Variants in PLEKHB2 observed in about 807,000 individuals in gnomAD.
The protein encoded by PLEKHB2 is pleckstrin homology domain containing B2, also known as pleckstrin homology domain-containing family B member 2.
Under a neutral mutation model 36.5 loss-of-function variants are expected in PLEKHB2, and 31 were observed. The ratio of observed to expected loss-of-function variants is 0.85; its 90% CI spans 0.64 to 1.15. PLEKHB2 has a LOEUF of 1.15. Ranked by LOEUF, PLEKHB2 falls within the 50% of genes most tolerant of loss-of-function variation. PLEKHB2 has a pLI of 0.00. For missense variants in PLEKHB2, 262 were observed against 295.3 expected (o/e 0.89, Z 0.83); for synonymous variants, 119 against 112.0 (o/e 1.06, Z -0.39).
At chr2:131,146,378 A>G (rs1287012971) in intron 7 of PLEKHB2, among the ~76,000 whole-genome samples, 6 of 152,158 alleles carry the variant, frequency 3.9e-5, no homozygotes, top group African/African-American at 1.2e-4. Context: ...ATCAGAGGCT[A>G]GAATCTGAAA....
intron 4 of PLEKHB2, among the ~76,000 whole-genome samples, chr2:131,128,695 A>G (rs74621057): frequency 0.043 from 6,488 of 152,302 alleles, 469 homozygotes; most frequent in African/African-American, 0.15. Flanking sequence ...TTGGCATGGA[A>G]GAAAAGACTG....
rs1699347340 is a variant in PLEKHB2 at position 131,146,939 on chromosome 2, G to T, written c.*166G>T. On this transcript the variant is annotated 3_prime_UTR_variant, in exon 8 of 8. Coordinates refer to ENST00000693505, the MANE Select transcript of PLEKHB2 (RefSeq NM_001100623.2). ...TAATCCACATAAGTACCACAGAGAAGGGTTTGAACTGTGCTATTTTGTTCA... is the reference window on the plus strand; with the variant it reads ...TAATCCACATAAGTACCACAGAGAATGGTTTGAACTGTGCTATTTTGTTCA... The T allele has an allele frequency of 1.8e-5, 10 of 566,298 alleles. No individual in the cohort carries two copies. Among genetic ancestry groups the T allele is most frequent in the East Asian group, 3.1e-5 (1 of 32,016 alleles). The allele number at this position is 566,298 out of a possible 1,614,324, so 35.1% of individuals were successfully genotyped here.
chr2:131,120,719 T>TG, intron 1 of PLEKHB2: 1 of 625,898 alleles, frequency 1.6e-6, no homozygotes, highest in East Asian at 2.8e-5. Context: ...GTGGTGAGGC[T>TG]GAAGGCGAGT....
intron 2 of PLEKHB2, among the ~76,000 whole-genome samples, chr2:131,125,462 C>T (rs1356902639): frequency 6.6e-6 from 1 of 152,116 alleles, no homozygotes; most frequent in South Asian, 2.1e-4. Flanking sequence ...ATTAAGGGGC[C>T]AGGGGAAGAG....
At chr2:131,110,689 C>T (rs1695215719) in intron 1 of PLEKHB2, among the ~76,000 whole-genome samples, 1 of 151,546 alleles carries the variant, frequency 6.6e-6, no homozygotes, top group Non-Finnish European at 1.5e-5. Flanking sequence ...AATGATTTGA[C>T]TGGGTGTGGA....
intron 1 of PLEKHB2, among the ~76,000 whole-genome samples, chr2:131,119,633 G>A (rs1696263752): frequency 6.6e-6 from 1 of 152,224 alleles, no homozygotes; most frequent in Non-Finnish European, 1.5e-5. Context: ...CAAAGTATAT[G>A]AACTATTAAA....
intron 4 of PLEKHB2, 103 bp downstream of exon 4, chr2:131,126,889 A>T (rs1272013013): frequency 1.6e-5 from 11 of 694,318 alleles, no homozygotes; most frequent in South Asian, 3.4e-5. Flanking sequence ...TCTTTCAGGC[A>T]TCAGAATAAG....
chr2:131,128,187 C>T (rs759770547), intron 4 of PLEKHB2, among the ~76,000 whole-genome samples: 1 of 152,152 alleles, frequency 6.6e-6, no homozygotes, highest in Non-Finnish European at 1.5e-5. Flanking sequence ...GGTGGAACTA[C>T]CAGTTGATAC....
At chr2:131,140,122 C>T in intron 6 of PLEKHB2, 45 bp from the exon 7 acceptor site, 3 of 1,152,750 alleles carry the variant, frequency 2.6e-6, no homozygotes, top group Non-Finnish European at 3.8e-6. Context: ...AATACATTAC[C>T]AGAGGTTTCA....
chr2:131,109,930 C>T (rs899880080), intron 1 of PLEKHB2, among the ~76,000 whole-genome samples: 8 of 151,748 alleles, frequency 5.3e-5, no homozygotes, highest in South Asian at 4.1e-4. Flanking sequence ...CTGGCTGACA[C>T]GGTGAAACCC....
intron 7 of PLEKHB2, among the ~76,000 whole-genome samples, chr2:131,143,464 A>G (rs1044516444): frequency 9.2e-5 from 14 of 152,212 alleles, no homozygotes; most frequent in African/African-American, 3.4e-4. Context: ...CCTCTGGATT[A>G]GTTTAAGGGA....
intron 1 of PLEKHB2, among the ~76,000 whole-genome samples, chr2:131,120,052 T>G (rs1238461987): frequency 6.6e-6 from 1 of 151,194 alleles, no homozygotes; most frequent in Non-Finnish European, 1.5e-5. Context: ...CACCGCATCC[T>G]CTGCCTCCTG....
chr2:131,136,577 T>TAAG (rs1698278447), intron 6 of PLEKHB2, among the ~76,000 whole-genome samples: 1 of 151,808 alleles, frequency 6.6e-6, no homozygotes, highest in African/African-American at 2.4e-5. Flanking sequence ...GGTTTTCACA[T>TAAG]ACTGAACCAG....
At chr2:131,145,677 AAAG>A (rs1699213425) in intron 7 of PLEKHB2, among the ~76,000 whole-genome samples, 1 of 152,148 alleles carries the variant, frequency 6.6e-6, no homozygotes, top group Non-Finnish European at 1.5e-5. Context: ...ATCAAGGAGG[AAAG>A]TTAACGCTAT....
rs924789593 is a variant in PLEKHB2, at chr2:131,149,626, G to A, written c.*2853G>A. On this transcript the variant is annotated 3_prime_UTR_variant, in exon 8 of 8. Coordinates refer to ENST00000693505, the MANE Select transcript of PLEKHB2 (RefSeq NM_001100623.2). ...AATGACCCAAGTGTATTTTCCACAA[G>A]TTTTGATCCTGTGTAATATTTCTTT... The A allele has an allele frequency of 2.6e-5, 4 of 152,192 alleles. No individual in the cohort carries two copies. Among genetic ancestry groups the A allele is most frequent in the Admixed American group, 2.0e-4 (3 of 15,286 alleles). The allele number at this position is 152,192 out of a possible 1,614,324, so 9.4% of individuals were successfully genotyped here. A position where few individuals can be genotyped will look rare whatever the true frequency, so the allele number is the denominator to read the frequency against.
rs554858968 is a variant in PLEKHB2 at position 131,120,886 on chromosome 2, A to G, written c.-8-48A>G. ...GATAGAGACTCGGGCCGGACAGGCT[A>G]TTCTCTTTCTGGGTATGATTTTGAA... On this transcript the variant is annotated intron_variant, in intron 1 of 7. Coordinates refer to ENST00000693505, the MANE Select transcript of PLEKHB2 (RefSeq NM_001100623.2). 5.4e-5 allele frequency: 85 copies of G among 1,584,126 alleles called. No homozygotes were observed. In the Middle Eastern group the frequency reaches 1.2e-3, roughly 22 times the overall value.
At position 131,148,363 on chromosome 2, in the gene PLEKHB2, T is replaced by C. The variant is rs145318597; in HGVS notation, c.*1590T>C. On this transcript the variant is annotated 3_prime_UTR_variant, in exon 8 of 8. Coordinates refer to ENST00000693505, the MANE Select transcript of PLEKHB2 (RefSeq NM_001100623.2). ...GAAGTGTGTATTTGAAATATTCATATTTCTGTTATTTCTTGTTTTCAAGCT... is the reference window on the plus strand; with the variant it reads ...GAAGTGTGTATTTGAAATATTCATACTTCTGTTATTTCTTGTTTTCAAGCT... 2.0e-5 allele frequency: 3 copies of C among 152,358 alleles called. No individual in the cohort carries two copies. Among genetic ancestry groups the C allele is most frequent in the Non-Finnish European group, 4.4e-5 (3 of 68,044 alleles). 9.4% of individuals were successfully genotyped at this position (152,358 alleles called of 1,614,324 possible). A position where few individuals can be genotyped will look rare whatever the true frequency, so the allele number is the denominator to read the frequency against.
At position 131,146,865 on chromosome 2, in the gene PLEKHB2, A is replaced by G. The variant is rs996389690; in HGVS notation, c.*92A>G. ...ATTTCTGTTTGTGACAAAAGTTTTT[A>G]ATAATAGTTTTAATCATTCCTTTGA... On this transcript the variant is annotated 3_prime_UTR_variant, in exon 8 of 8. Transcript: ENST00000693505. 10 of 1,108,514 alleles carry G rather than the reference A, an allele frequency of 9.0e-6. No individual in the cohort carries two copies. Among genetic ancestry groups the G allele is most frequent in the Non-Finnish European group, 1.0e-5 (8 of 775,596 alleles). The allele number at this position is 1,108,514 out of a possible 1,614,324, so 68.7% of individuals were successfully genotyped here.
Position 131,120,989 on chromosome 2 carries a change from G to C in PLEKHB2, c.37+11G>C. 1 of 1,613,572 alleles carries C rather than the reference G, an allele frequency of 6.2e-7. No homozygotes were observed. Among genetic ancestry groups the C allele is most frequent in the Non-Finnish European group, 8.5e-7 (1 of 1,179,508 alleles). ...GGTTGCTGCGACAGAGTGAGTACAGGATGTGCGGTCTGCGATCGGCATTGC... is the reference window on the plus strand; with the variant it reads ...GGTTGCTGCGACAGAGTGAGTACAGCATGTGCGGTCTGCGATCGGCATTGC... On this transcript the variant is annotated intron_variant, in intron 2 of 7. Transcript: ENST00000693505.
Sources: gnomAD v4.1 joint callset for allele counts (sites outside exome capture counted in the v4.1 genomes callset) on GRCh38, gnomAD v4.1.1 for gene constraint, MANE v1.5 for transcripts, NCBI Gene and HGNC (gene_info 2026-07-23, HGNC 2026-07-21) for gene names.